The following INTS6 variants were observed in gnomAD, a reference collection of about 807,000 sequenced individuals.
INTS6 encodes the protein integrator complex subunit 6.
In INTS6, 16 loss-of-function variants were observed where a neutral mutation model predicts 104.9. That is an observed-to-expected ratio of 0.15 (90% confidence interval 0.10 to 0.23). The LOEUF (loss-of-function observed/expected upper bound fraction) is 0.23, where lower values mean the gene tolerates loss of function less well. Among genes scored for constraint, INTS6 ranks in the 10% least tolerant of loss-of-function variants. The pLI, the probability that INTS6 is intolerant of heterozygous loss-of-function variation, is 1.00. For synonymous variants in INTS6, 324 were observed against 358.7 expected, an observed-to-expected ratio of 0.90 and a Z score of 1.09; for missense variants, 584 against 1,062.8, an observed-to-expected ratio of 0.55 and a Z score of 6.26.
chr13:51,345,644 C>T, the INTS6 span, among the ~76,000 whole-genome samples: 1 of 146,080 alleles, frequency 6.8e-6, no homozygotes, highest in Non-Finnish European at 1.5e-5. Context: ...ATGTATACTA[C>T]GACTGAATGG....
chr13:51,407,714 T>C (rs567437447), intron 4 of INTS6, among the ~76,000 whole-genome samples: 74 of 152,212 alleles, frequency 4.9e-4, no homozygotes, highest in Admixed American at 2.2e-3. Context: ...AAGTTCCAAA[T>C]AGACGCATAC....
chr13:51,435,926 G>A (rs528331604), intron 3 of INTS6, among the ~76,000 whole-genome samples: 1 of 152,024 alleles, frequency 6.6e-6, no homozygotes, highest in Admixed American at 6.5e-5. Flanking sequence ...AGTCAATAAA[G>A]GCCTAACATG....
the INTS6 span, chr13:51,344,251 G>A: frequency 1.9e-6 from 3 of 1,612,900 alleles, 1 homozygote; most frequent in Admixed American, 1.7e-5. Flanking sequence ...GTTTTTCACA[G>A]ACAAAAGGGT....
At chr13:51,413,293 C>G (rs1956724315) in intron 4 of INTS6, among the ~76,000 whole-genome samples, 1 of 152,136 alleles carries the variant, frequency 6.6e-6, no homozygotes, top group Non-Finnish European at 1.5e-5. Flanking sequence ...CTGGGTATTT[C>G]TTCTCACTAA....
rs1375851119 is a variant in INTS6, at chr13:51,432,618, AT to A, written c.340-2236del. On this transcript the variant is annotated intron_variant, in intron 3 of 17. Transcript: ENST00000311234. ...ACTCACTGAATATAGCTTAATACAA[AT>A]CAGCCTGGGTTCACAGAACCATTTA... is the stretch of plus-strand genomic sequence containing the variant. 3.4e-3 allele frequency among the ~76,000 whole-genome samples: 518 copies of A among 152,352 alleles called. 3 individuals are homozygous for A. The highest frequency in any genetic ancestry group is 0.012 in the African/African-American group (491 of 41,586).
At chr13:51,358,929 G>T (rs1297365557), downstream of INTS6, among the ~76,000 whole-genome samples, 4 of 151,946 alleles carry the variant, frequency 2.6e-5, no homozygotes, top group African/African-American at 7.3e-5. Flanking sequence ...TGGTGTGGGT[G>T]GTTCTATGGT....
At chr13:51,367,698 T>G in intron 17 of INTS6, 107 bp downstream of exon 17, 2 of 610,912 alleles carry the variant, frequency 3.3e-6, no homozygotes, top group South Asian at 4.3e-5. Flanking sequence ...GTATGCCATA[T>G]ACATTTATAA....
At chr13:51,447,087 A>G (rs1250359503) in intron 3 of INTS6, 1 of 152,220 alleles carries the variant, frequency 6.6e-6, no homozygotes, top group Non-Finnish European at 1.5e-5. Context: ...AATTTACAAA[A>G]TACTATTCAT....
At chr13:51,338,447 G>GTGGATGGATGGATGGA in the INTS6 span, among the ~76,000 whole-genome samples, 94 of 149,210 alleles carry the variant, frequency 6.3e-4, no homozygotes, top group African/African-American at 2.1e-3. Flanking sequence ...GGATGGATAG[G>GTGGATGGATGGATGGA]TGGATGGATG....
Position 51,452,592 on chromosome 13 carries a change from C to A in INTS6, c.-67G>T. ...GAGGAGATGGTAGAGGTGGAGGCGC[C>A]GGTGGCGGCGACCGCCGCTACGCGG... On this transcript the variant is annotated 5_prime_UTR_variant, in exon 1 of 18. Transcript: ENST00000311234. This position sits in a 1 kb window ranked among gnomAD's most constrained non-coding sequence, Gnocchi z 4.2. The A allele has an allele frequency of 1.9e-6, 3 of 1,557,048 alleles. No individual in the cohort carries two copies. Among genetic ancestry groups the A allele is most frequent in the South Asian group, 2.2e-5 (2 of 89,148 alleles).
At chr13:51,380,858 C>T (rs1299678425) in intron 10 of INTS6, among the ~76,000 whole-genome samples, 1 of 152,118 alleles carries the variant, frequency 6.6e-6, no homozygotes, top group East Asian at 1.9e-4. Flanking sequence ...TAAGAATATA[C>T]ACTTATCCAC....
intron 3 of INTS6, among the ~76,000 whole-genome samples, chr13:51,435,871 C>A (rs1316787755): frequency 1.3e-5 from 2 of 152,074 alleles, no homozygotes; most frequent in East Asian, 3.9e-4. Flanking sequence ...GGGATAAATA[C>A]ACAAACTGGG....
intron 6 of INTS6, among the ~76,000 whole-genome samples, chr13:51,387,782 G>A (rs900312680): frequency 2.0e-5 from 3 of 152,130 alleles, no homozygotes; most frequent in Non-Finnish European, 4.4e-5. Flanking sequence ...GAGGTCCGCA[G>A]CATCCTTTGC....
chr13:51,429,032 C>T (rs1291073640), intron 4 of INTS6, among the ~76,000 whole-genome samples: 2 of 152,136 alleles, frequency 1.3e-5, no homozygotes, highest in African/African-American at 4.8e-5. Context: ...TCCAATAACC[C>T]TATGAAGTAA....
At chr13:51,348,338 C>A in the INTS6 span, 1 of 1,613,958 alleles carries the variant, frequency 6.2e-7, no homozygotes, top group Middle Eastern at 1.6e-4. Context: ...CATCGAGCCA[C>A]ACCTCACAGC....
At chr13:51,428,479 C>T (rs1424320361) in intron 4 of INTS6, among the ~76,000 whole-genome samples, 1 of 151,890 alleles carries the variant, frequency 6.6e-6, no homozygotes, top group Admixed American at 6.6e-5. Flanking sequence ...TGTGCGCCAC[C>T]ACGCCCAGCT....
chr13:51,373,650 A>G (rs1220623434), intron 15 of INTS6, among the ~76,000 whole-genome samples: 1 of 152,252 alleles, frequency 6.6e-6, no homozygotes, highest in African/African-American at 2.4e-5. Flanking sequence ...CAAACGGCAC[A>G]GCTTTTGGCT....
chr13:51,367,800 T>C lies in INTS6; in HGVS notation c.2570+5A>G, dbSNP rs767555721. 2.0e-6 allele frequency: 3 copies of C among 1,502,034 alleles called. No individual in the cohort carries two copies. In the East Asian group the frequency reaches 6.9e-5, roughly 34 times the overall value. 93.0% of individuals were successfully genotyped at this position (1,502,034 alleles called of 1,614,324 possible). A position where few individuals can be genotyped will look rare whatever the true frequency, so the allele number is the denominator to read the frequency against. ...CCATTTCATTATATGCAATAGTTTA[T>C]TTACCTTGATGCTTCTTTAATGACA... On this transcript the variant is annotated splice_donor_5th_base_variant and intron_variant, in intron 17 of 17. Coordinates refer to ENST00000311234, the MANE Select transcript of INTS6 (RefSeq NM_012141.3).
intron 3 of INTS6, among the ~76,000 whole-genome samples, chr13:51,433,385 T>C (rs1226621895): frequency 1.3e-5 from 2 of 152,132 alleles, no homozygotes; most frequent in African/African-American, 4.8e-5. Context: ...AAGGTGGAGG[T>C]TGCAGTGAGT....
Sources: allele counts gnomAD v4.1 joint callset (sites outside exome capture counted in the v4.1 genomes callset), GRCh38; gene constraint gnomAD v4.1.1; non-coding constraint Gnocchi (gnomAD v3.1); transcripts MANE v1.5; gene names NCBI Gene and HGNC (gene_info 2026-07-23, HGNC 2026-07-21).